ADGRG4: variants seen among roughly 807,000 people sequenced by gnomAD.
The protein encoded by ADGRG4 is adhesion G protein-coupled receptor G4, also known as G protein-coupled receptor 112.
A neutral mutation model predicts 126.2 loss-of-function variants in ADGRG4; 122 were observed. The ratio of observed to expected loss-of-function variants is 0.97; its 90% CI spans 0.83 to 1.12. The LOEUF is 1.12. Ranked by LOEUF, ADGRG4 falls within the 50% of genes most tolerant of loss-of-function variation. The probability of loss-of-function intolerance (pLI) is 0.00; values close to 1 mark genes in which losing one functional copy is unlikely to be tolerated. For synonymous variants in ADGRG4, 943 were observed against 838.7 expected, an observed-to-expected ratio of 1.12 and a Z score of -2.15; for missense variants, 2,481 against 2,251.8, an observed-to-expected ratio of 1.10 and a Z score of -2.06.
Position 136,304,132 on chromosome X carries a change from G to C in ADGRG4, c.-253-1G>C, listed in dbSNP as rs1603289607. On this transcript the variant is annotated splice_acceptor_variant, in intron 1 of 25. Transcript: ENST00000394143. LOFTEE classifies it low-confidence loss of function (5UTR_SPLICE). ...TCAGCCAATTTCCTACTTCTCTGTA[G>C]ATATGGAGAGCAGATGGTCAACATT... 1 of 111,533 alleles carries C rather than the reference G, an allele frequency of 9.0e-6. No homozygotes were observed. 9.2% of individuals were successfully genotyped at this position (111,533 alleles called of 1,213,427 possible).
chrX:136,374,726 G>A (rs2075215405), intron 15 of ADGRG4, among the ~76,000 whole-genome samples: 1 of 111,697 alleles, frequency 9.0e-6, no homozygotes, highest in Non-Finnish European at 1.9e-5. Context: ...TACCTCACCC[G>A]GCCTGTAGGT....
At chrX:136,388,254 T>G (rs144415704) in intron 16 of ADGRG4, among the ~76,000 whole-genome samples, 1 of 112,015 alleles carries the variant, frequency 8.9e-6, no homozygotes, top group East Asian at 2.8e-4. Context: ...TCTTGGCCAA[T>G]TCCTTTGAAG....
intron 13 of ADGRG4, among the ~76,000 whole-genome samples, chrX:136,365,990 C>T (rs189321025): frequency 2.7e-5 from 3 of 112,286 alleles, no homozygotes; most frequent in African/African-American, 9.7e-5. Flanking sequence ...CAACATCCCC[C>T]ACCAGAGTGG....
chrX:136,369,134 C>A (rs1394027749), intron 13 of ADGRG4, among the ~76,000 whole-genome samples: 2 of 112,379 alleles, frequency 1.8e-5, no homozygotes, highest in African/African-American at 3.2e-5. Context: ...TGAGACAATC[C>A]AAGTGAGAAC....
At position 136,397,981 on chromosome X, in the gene ADGRG4, T is replaced by C. The variant is rs778382001; in HGVS notation, c.8285T>C (p.Val2762Ala). Reference sequence around the variant, plus strand: ...TCCTCCATTTTTCTGGGAGTTGCAGTGGTGACATACATAGCTTTTCAGTAA... The same window carrying C: ...TCCTCCATTTTTCTGGGAGTTGCAGCGGTGACATACATAGCTTTTCAGTAA... ...GISSIFLGVA[V>A]VTYIAFHKLR... The change falls in exon 20 of 26, where the codon GTG becomes GCG. Residue 2762 changes from valine to alanine, a missense_variant. Physicochemically the swap from Val to Ala is moderately conservative, Grantham distance 64. Coordinates refer to ENST00000394143, the MANE Select transcript of ADGRG4 (RefSeq NM_153834.4). 4 of 1,207,895 alleles carry C rather than the reference T, an allele frequency of 3.3e-6. No individual in the cohort carries two copies. Among genetic ancestry groups the C allele is most frequent in the Non-Finnish European group, 4.5e-6 (4 of 891,887 alleles).
Position 136,397,960 on chromosome X carries a change from C to G in ADGRG4, c.8264C>G (p.Ser2755Cys). 3 of 1,203,802 alleles carry G rather than the reference C, an allele frequency of 2.5e-6. No homozygotes were observed. Among genetic ancestry groups the G allele is most frequent in the Non-Finnish European group, 3.4e-6 (3 of 888,303 alleles). Residue 2755 changes from serine to cysteine, a missense_variant, in exon 20 of 26, where the codon TCC (serine) becomes TGC (cysteine). Ser to Cys is a moderately radical substitution (Grantham distance 112). Transcript: ENST00000394143. ...LITYTGCGIS[S>C]IFLGVAVVTY... ...ACATACACCGGATGTGGAATCTCCT[C>G]CATTTTTCTGGGAGTTGCAGTGGTG...
At chrX:136,302,147 G>A (rs2074704677) in intron 1 of ADGRG4, among the ~76,000 whole-genome samples, 1 of 111,659 alleles carries the variant, frequency 9.0e-6, no homozygotes, top group South Asian at 3.8e-4. Flanking sequence ...TATGTGGATG[G>A]CATTAAATCT....
chrX:136,363,560 A>G lies in ADGRG4; in HGVS notation c.7361A>G (p.Lys2454Arg). Residue 2454 changes from lysine to arginine, a missense_variant, in exon 13 of 26, where the codon AAG (lysine) becomes AGG (arginine). Transcript: ENST00000394143. Reference protein sequence around the residue: ...QCKLLQELPDKIVDLANITIS... With the variant: ...QCKLLQELPDRIVDLANITIS... Reference sequence around the variant, plus strand: ...AAATTGCTTCAAGAACTTCCTGACAAGATTGTGGATCTTGCTAATATTACC... The same window carrying G: ...AAATTGCTTCAAGAACTTCCTGACAGGATTGTGGATCTTGCTAATATTACC... 8.5e-7 allele frequency: 1 copy of G among 1,183,377 alleles called. No homozygotes were observed. The highest frequency in any genetic ancestry group is 1.1e-6 in the Non-Finnish European group (1 of 869,620).
At chrX:136,369,035 C>T (rs756197144) in intron 13 of ADGRG4, among the ~76,000 whole-genome samples, 1 of 111,883 alleles carries the variant, frequency 8.9e-6, no homozygotes, top group Admixed American at 9.5e-5. Flanking sequence ...GCATCAATTG[C>T]CTGCCATGTG....
In ADGRG4 at chrX:136,335,285, A is replaced by AT. The variant is rs779568607; in HGVS notation, c.686-9106dup. ...ATATTGTTTCATTTAGTTTGCTCATATATTGTTGAGGATTTTTGTATTTAA... is the reference window on the plus strand; with the variant it reads ...ATATTGTTTCATTTAGTTTGCTCATATTATTGTTGAGGATTTTTGTATTTAA... On this transcript the variant is annotated intron_variant, in intron 5 of 25. Coordinates refer to ENST00000394143, the MANE Select transcript of ADGRG4 (RefSeq NM_153834.4). Among the ~76,000 whole-genome samples the AT allele has an allele frequency of 1.6e-4, 17 of 109,131 alleles. No homozygotes were observed. In the South Asian group the frequency reaches 6.5e-3, roughly 42 times the overall value. 94.8% of individuals were successfully genotyped at this position (109,131 alleles called of 115,157 possible). A position where few individuals can be genotyped will look rare whatever the true frequency, so the allele number is the denominator to read the frequency against.
At chrX:136,387,614 T>C (rs768464149) in intron 15 of ADGRG4, 126 bp from the exon 16 acceptor site, 2 of 555,906 alleles carry the variant, frequency 3.6e-6, no homozygotes, top group African/African-American at 2.3e-5. Context: ...TCATCGCTTA[T>C]GGAGCTAGTT....
chrX:136,411,120 G>C (rs1248705090), intron 23 of ADGRG4, among the ~76,000 whole-genome samples: 2 of 111,261 alleles, frequency 1.8e-5, no homozygotes, highest in East Asian at 5.6e-4. Flanking sequence ...GTAGTGGCTT[G>C]ATTCTGACTC....
intron 15 of ADGRG4, among the ~76,000 whole-genome samples, chrX:136,380,577 T>TTCTTCC (rs1405306693): frequency 0.021 from 1,707 of 82,952 alleles, 82 homozygotes; most frequent in Non-Finnish European, 0.024. Context: ...CCTCTTCTTC[T>TTCTTCC]TCCTCCTCCT....
At chrX:136,332,854 T>C (rs2074921814) in intron 5 of ADGRG4, among the ~76,000 whole-genome samples, 1 of 107,345 alleles carries the variant, frequency 9.3e-6, no homozygotes, top group Non-Finnish European at 1.9e-5. Flanking sequence ...GATGGGGTTG[T>C]TTGTTTTTTT....
At chrX:136,301,055 A>T (rs1223160802) in intron 1 of ADGRG4, 55 bp downstream of exon 1, 2 of 112,367 alleles carry the variant, frequency 1.8e-5, no homozygotes, top group African/African-American at 6.5e-5. Context: ...ATATGTGTGC[A>T]TGTGTCTTTA....
In ADGRG4 at chrX:136,363,578, A is replaced by T. The variant is rs759755466; in HGVS notation, c.7379A>T (p.Asn2460Ile). The T allele has an allele frequency of 1.8e-6, 2 of 1,125,367 alleles. No homozygotes were observed. The highest frequency in any genetic ancestry group is 2.4e-6 in the Non-Finnish European group (2 of 816,834). The allele number at this position is 1,125,367 out of a possible 1,213,427, so 92.7% of individuals were successfully genotyped here. ...CCTGACAAGATTGTGGATCTTGCTAATATTACCATAAGTGATGGTAAGATT... is the reference window on the plus strand; with the variant it reads ...CCTGACAAGATTGTGGATCTTGCTATTATTACCATAAGTGATGGTAAGATT... The part of the protein sequence containing the change: ...ELPDKIVDLA[N>I]ITISDENAED... Residue 2460 changes from asparagine (N) to isoleucine (I), a missense_variant, in exon 13 of 26, where the codon AAT (asparagine) becomes ATT (isoleucine). By Grantham distance (149) the Asn-to-Ile change is moderately radical (BLOSUM62 -3). Transcript: ENST00000394143.
At chrX:136,379,033 C>A in intron 15 of ADGRG4, among the ~76,000 whole-genome samples, 1 of 111,790 alleles carries the variant, frequency 8.9e-6, no homozygotes, top group Non-Finnish European at 1.9e-5. Flanking sequence ...CCCTCTTCTA[C>A]TTTCAGAAAG....
chrX:136,339,653 GC>G (rs1165203605), intron 5 of ADGRG4, among the ~76,000 whole-genome samples: 1 of 112,479 alleles, frequency 8.9e-6, no homozygotes, highest in Non-Finnish European at 1.9e-5. Flanking sequence ...GAAGATAACT[GC>G]CACTATGTTG....
intron 13 of ADGRG4, among the ~76,000 whole-genome samples, chrX:136,369,851 C>T (rs752773818): frequency 3.6e-5 from 4 of 111,859 alleles, no homozygotes; most frequent in Non-Finnish European, 7.5e-5. Context: ...AGTTCAGTTC[C>T]TATGTGAGCC....
Sources: allele counts gnomAD v4.1 joint callset (sites outside exome capture counted in the v4.1 genomes callset), GRCh38; gene constraint gnomAD v4.1.1; transcripts MANE v1.5; gene names NCBI Gene and HGNC (gene_info 2026-07-23, HGNC 2026-07-21).